The following PIWIL2 variants were observed in gnomAD, a reference collection of about 807,000 sequenced individuals.
PIWIL2 encodes the protein piwi-like protein 2.
PIWIL2 carries 81 observed loss-of-function variants against 116.5 expected under a neutral mutation model. That is an observed-to-expected ratio of 0.70 (90% CI 0.58 to 0.84). PIWIL2 has a LOEUF of 0.84. PIWIL2 is among the 40% of genes least tolerant of loss of function. The probability of loss-of-function intolerance (pLI) is 0.00; values close to 1 mark genes in which losing one functional copy is unlikely to be tolerated. For synonymous variants in PIWIL2, 489 were observed against 429.5 expected (o/e 1.14, Z -1.71); for missense variants, 1,272 against 1,212.3 (o/e 1.05, Z -0.73).
At chr8:22,293,350 C>CT (rs1369471009) in intron 10 of PIWIL2, among the ~76,000 whole-genome samples, 1 of 151,006 alleles carries the variant, frequency 6.6e-6, no homozygotes, top group Non-Finnish European at 1.5e-5. Context: ...TTTTTTTTGT[C>CT]TTTTTTGAGA....
At chr8:22,342,787 ACTT>A (rs775863565) in intron 20 of PIWIL2, among the ~76,000 whole-genome samples, 8 of 152,178 alleles carry the variant, frequency 5.3e-5, no homozygotes, top group Non-Finnish European at 1.2e-4. Flanking sequence ...GAATTTAAAA[ACTT>A]CTGGGAAACA....
intron 2 of PIWIL2, among the ~76,000 whole-genome samples, chr8:22,280,253 A>T (rs938036715): frequency 2.0e-5 from 3 of 152,214 alleles, no homozygotes; most frequent in Non-Finnish European, 1.5e-5. Flanking sequence ...TGATATTAGC[A>T]GCAGTTTCTG....
At chr8:22,312,342 GT>G (rs2132046156) in intron 16 of PIWIL2, among the ~76,000 whole-genome samples, 1 of 151,674 alleles carries the variant, frequency 6.6e-6, no homozygotes, top group East Asian at 1.9e-4. Context: ...TTAGCTCATT[GT>G]TGCCTCAAAC....
chr8:22,302,027 A>G (rs1457747689), intron 10 of PIWIL2, among the ~76,000 whole-genome samples: 1 of 151,262 alleles, frequency 6.6e-6, no homozygotes, highest in Non-Finnish European at 1.5e-5. Flanking sequence ...CTGATTTTTC[A>G]TTTTCCTTCA....
chr8:22,304,864 G>A lies in PIWIL2; in HGVS notation c.1451G>A (p.Gly484Glu), dbSNP rs763422266. ...HRPSERQDNH[G>E]MLLKGEILLL... ...CCCAGTGAGAGACAGGATAATCATG[G>A]GATGGTGAGTAGGGCTGTCAGGCTT... Residue 484 changes from glycine (G) to glutamate (E), a missense_variant, in exon 12 of 23, where the codon GGG becomes GAG. By Grantham distance (98) the Gly-to-Glu change is moderately conservative (BLOSUM62 -2). Transcript: ENST00000356766. 1.9e-6 allele frequency: 3 copies of A among 1,595,788 alleles called. No homozygotes were observed. Among genetic ancestry groups the A allele is most frequent in the Non-Finnish European group, 2.6e-6 (3 of 1,163,390 alleles).
chr8:22,345,879 C>G (rs990156590), intron 20 of PIWIL2, among the ~76,000 whole-genome samples: 9 of 151,978 alleles, frequency 5.9e-5, no homozygotes, highest in Admixed American at 1.3e-4. Context: ...CTAGTATAGT[C>G]CAACCCATGG....
chr8:22,332,069 A>G (rs1677921125), intron 20 of PIWIL2, among the ~76,000 whole-genome samples: 1 of 152,100 alleles, frequency 6.6e-6, no homozygotes, highest in Non-Finnish European at 1.5e-5. Context: ...GCATTTTGGG[A>G]GGCTGAGGCA....
At chr8:22,308,129 T>A in intron 14 of PIWIL2, 56 bp downstream of exon 14, 1 of 1,377,094 alleles carries the variant, frequency 7.3e-7, no homozygotes, top group Non-Finnish European at 1.0e-6. Flanking sequence ...TGTGCAATAT[T>A]TATGTGACTT....
intron 20 of PIWIL2, among the ~76,000 whole-genome samples, chr8:22,327,272 G>C (rs1831746646): frequency 6.6e-6 from 1 of 151,428 alleles, no homozygotes; most frequent in Non-Finnish European, 1.5e-5. Context: ...CCTGACCTCA[G>C]GTGATCCGCC....
chr8:22,327,891 C>G (rs1291078864), intron 20 of PIWIL2, among the ~76,000 whole-genome samples: 1 of 152,156 alleles, frequency 6.6e-6, no homozygotes, highest in African/African-American at 2.4e-5. Context: ...ATATCTCCCC[C>G]CATTCTTTAG....
rs1832495497 is a variant in PIWIL2 at position 22,356,615 on chromosome 8, C to T, written c.*1110C>T. The T allele has an allele frequency of 6.6e-6, 1 of 152,124 alleles. No individual in the cohort carries two copies. The highest frequency in any genetic ancestry group is 1.5e-5 in the Non-Finnish European group (1 of 68,030). 9.4% of individuals were successfully genotyped at this position (152,124 alleles called of 1,614,324 possible). A position where few individuals can be genotyped will look rare whatever the true frequency, so the allele number is the denominator to read the frequency against. ...GTGGGAGTTTTTAGTGAACTTTTCT[C>T]CCAGGTGTGTGGCCTTTATTTCTAT... On this transcript the variant is annotated 3_prime_UTR_variant, in exon 23 of 23. Transcript: ENST00000356766.
At chr8:22,309,741 A>G (rs755246342) in intron 14 of PIWIL2, among the ~76,000 whole-genome samples, 2 of 152,236 alleles carry the variant, frequency 1.3e-5, no homozygotes, top group South Asian at 2.1e-4. Context: ...AGCTTCAATA[A>G]TGAAAGACTA....
intron 10 of PIWIL2, among the ~76,000 whole-genome samples, chr8:22,295,215 T>G (rs1463885096): frequency 1.3e-5 from 2 of 152,164 alleles, no homozygotes; most frequent in African/African-American, 4.8e-5. Context: ...CAGACTGAAG[T>G]GCAGTGGCTA....
chr8:22,281,339 A>G, intron 3 of PIWIL2, 38 bp from the exon 4 acceptor site: 3 of 1,590,680 alleles, frequency 1.9e-6, no homozygotes, highest in African/African-American at 2.7e-5. Context: ...AACACGTTTA[A>G]GTCATAGTCA....
chr8:22,307,813 G>A, intron 13 of PIWIL2, 120 bp from the exon 14 acceptor site: 1 of 701,312 alleles, frequency 1.4e-6, no homozygotes, highest in Non-Finnish European at 2.4e-6. Flanking sequence ...CCTTGAAGAT[G>A]TTTGAAAATT....
intron 16 of PIWIL2, among the ~76,000 whole-genome samples, chr8:22,312,860 C>A (rs1709514333): frequency 6.6e-6 from 1 of 152,154 alleles, no homozygotes; most frequent in South Asian, 2.1e-4. Flanking sequence ...AGGCTGATCT[C>A]AAACTCCCAG....
intron 1 of PIWIL2, among the ~76,000 whole-genome samples, chr8:22,278,452 C>T (rs1159687436): frequency 1.3e-5 from 2 of 151,950 alleles, no homozygotes; most frequent in South Asian, 4.1e-4. Flanking sequence ...CCCAGGAGGT[C>T]AAGGCTGCAG....
intron 20 of PIWIL2, among the ~76,000 whole-genome samples, chr8:22,343,769 C>T (rs1224210455): frequency 3.3e-5 from 5 of 152,182 alleles, no homozygotes; most frequent in Non-Finnish European, 5.9e-5. Context: ...GCCATAGGAA[C>T]GCTCACTCAC....
intron 20 of PIWIL2, among the ~76,000 whole-genome samples, chr8:22,346,263 T>A (rs1832224355): frequency 6.6e-6 from 1 of 152,182 alleles, no homozygotes; most frequent in Admixed American, 6.5e-5. Context: ...GGATGAGTTT[T>A]ATGGTATTTC....
Sources: allele counts gnomAD v4.1 joint callset (sites outside exome capture counted in the v4.1 genomes callset), GRCh38; gene constraint gnomAD v4.1.1; transcripts MANE v1.5; gene names NCBI Gene and HGNC (gene_info 2026-07-23, HGNC 2026-07-21).